Variants in KCNN2 observed in about 807,000 individuals in gnomAD.
KCNN2 encodes the protein potassium calcium-activated channel subfamily N member 2.
Under a neutral mutation model 55.5 loss-of-function variants are expected in KCNN2, and 24 were observed. The ratio of observed to expected loss-of-function variants is 0.43; its 90% confidence interval spans 0.31 to 0.61. The LOEUF (loss-of-function observed/expected upper bound fraction) is 0.61, where lower values mean the gene tolerates loss of function less well. KCNN2 is among the 20% of genes least tolerant of loss of function. KCNN2 has a pLI of 0.08. For missense variants in KCNN2, 754 were observed against 853.6 expected (o/e 0.88, Z 1.45); for synonymous variants, 431 against 336.1 (o/e 1.28, Z -3.09).
chr5:114,464,652 G>GCTAA (rs1015413938), intron 4 of KCNN2, among the ~76,000 whole-genome samples: 1 of 152,114 alleles, frequency 6.6e-6, no homozygotes, highest in African/African-American at 2.4e-5. Flanking sequence ...GGATAAGGCA[G>GCTAA]CTAACTTTGA....
At chr5:114,401,932 G>A (rs527987806) in intron 2 of KCNN2, among the ~76,000 whole-genome samples, 1 of 152,344 alleles carries the variant, frequency 6.6e-6, no homozygotes, top group Non-Finnish European at 1.5e-5. Context: ...TTTGAATGGT[G>A]TTAATCTTGA....
At chr5:114,138,049 C>T (rs1160937995) in intron 1 of KCNN2, among the ~76,000 whole-genome samples, 1 of 152,018 alleles carries the variant, frequency 6.6e-6, no homozygotes, top group Non-Finnish European at 1.5e-5. Flanking sequence ...ATAATCCTTC[C>T]AGTTTACTGT....
chr5:114,401,786 C>T (rs964348311), intron 2 of KCNN2, among the ~76,000 whole-genome samples: 1 of 152,146 alleles, frequency 6.6e-6, no homozygotes, highest in Non-Finnish European at 1.5e-5. Flanking sequence ...TTGGTGTGTT[C>T]TGGAATCTCC....
intron 5 of KCNN2, among the ~76,000 whole-genome samples, chr5:114,475,687 C>T (rs1761933213): frequency 1.3e-5 from 2 of 152,080 alleles, no homozygotes; most frequent in African/African-American, 4.8e-5. Flanking sequence ...TCAGATGCTT[C>T]CTGCTTGGCA....
At chr5:114,257,144 A>C (rs912620262) in intron 2 of KCNN2, among the ~76,000 whole-genome samples, 1 of 151,928 alleles carries the variant, frequency 6.6e-6, no homozygotes, top group East Asian at 1.9e-4. Flanking sequence ...ATTTTTATCA[A>C]CTTTGTCAAA....
intron 1 of KCNN2, 118 bp downstream of exon 1, chr5:114,363,379 C>T: frequency 7.8e-7 from 1 of 1,276,772 alleles, no homozygotes; most frequent in Non-Finnish European, 1.0e-6. Flanking sequence ...TCAAGGGAGC[C>T]CGCCAGGACA....
In KCNN2 at chr5:114,127,238, G is replaced by A. The variant is rs115634591; in HGVS notation, c.-271+70738G>A. On this transcript the variant is annotated intron_variant, in intron 1 of 10. Transcript: ENST00000512097. ...ACTCTGTGTAGGGGCTGGGGGCTCC[G>A]GCTCCACATTTTCCTTCTGCACTGC... Among the ~76,000 whole-genome samples the A allele has an allele frequency of 5.9e-3, 899 of 152,174 alleles. 10 individuals are homozygous for A. The highest frequency in any genetic ancestry group is 0.02 in the African/African-American group (843 of 41,496).
intron 2 of KCNN2, among the ~76,000 whole-genome samples, chr5:114,400,397 T>C (rs1003315312): frequency 1.3e-5 from 2 of 152,248 alleles, no homozygotes; most frequent in Non-Finnish European, 2.9e-5. Flanking sequence ...ACCAATCAAA[T>C]GCAGTAGAGC....
chr5:114,162,724 G>A (rs546600644), intron 1 of KCNN2, among the ~76,000 whole-genome samples: 150 of 152,184 alleles, frequency 9.9e-4, no homozygotes, highest in African/African-American at 1.4e-3. Flanking sequence ...CCCCAGCCTC[G>A]CTGCCACCTT....
intron 2 of KCNN2, among the ~76,000 whole-genome samples, chr5:114,376,366 C>T (rs1284354757): frequency 6.6e-6 from 1 of 152,164 alleles, no homozygotes; most frequent in Non-Finnish European, 1.5e-5. Flanking sequence ...AGCATTTACC[C>T]AGCAGCAAGA....
At chr5:114,469,601 G>A (rs1032424987) in intron 4 of KCNN2, among the ~76,000 whole-genome samples, 7 of 152,110 alleles carry the variant, frequency 4.6e-5, no homozygotes, top group African/African-American at 1.7e-4. Context: ...CATCGATTGT[G>A]GTGGTGACAA....
At chr5:114,260,719 A>T (rs775302024) in intron 2 of KCNN2, among the ~76,000 whole-genome samples, 4 of 152,222 alleles carry the variant, frequency 2.6e-5, no homozygotes, top group African/African-American at 7.2e-5. Flanking sequence ...CAATTTAGGG[A>T]TATCCCTTTG....
At chr5:114,281,699 G>A (rs1031428223) in intron 2 of KCNN2, among the ~76,000 whole-genome samples, 1 of 137,154 alleles carries the variant, frequency 7.3e-6, no homozygotes, top group African/African-American at 2.7e-5. Flanking sequence ...TGCAGCAAAG[G>A]TACTTCTAGC....
chr5:114,431,539 T>A (rs1759793077), intron 3 of KCNN2, among the ~76,000 whole-genome samples: 1 of 152,086 alleles, frequency 6.6e-6, no homozygotes, highest in African/African-American at 2.4e-5. Context: ...TAGCTTTTGA[T>A]TTTTCTGATT....
chr5:114,314,346 T>A (rs10061203), intron 2 of KCNN2, among the ~76,000 whole-genome samples: 27,488 of 152,038 alleles, frequency 0.18, 4,033 homozygotes, highest in East Asian at 0.81. Context: ...AAGTCCATAT[T>A]GTGTGTTAGG....
intron 1 of KCNN2, among the ~76,000 whole-genome samples, chr5:114,169,822 G>T (rs1268256754): frequency 2.0e-5 from 3 of 152,134 alleles, no homozygotes; most frequent in African/African-American, 4.8e-5. Context: ...TGTATTTAGA[G>T]AACTGAGTAT....
At chr5:114,288,391 T>C (rs1755800782) in intron 2 of KCNN2, among the ~76,000 whole-genome samples, 1 of 152,104 alleles carries the variant, frequency 6.6e-6, no homozygotes, top group Non-Finnish European at 1.5e-5. Flanking sequence ...GTGTTAAACT[T>C]TTTGGGATTC....
At chr5:114,476,996 T>TC (rs1761995899) in intron 5 of KCNN2, among the ~76,000 whole-genome samples, 2 of 65,426 alleles carry the variant, frequency 3.1e-5, no homozygotes, top group Admixed American at 1.7e-4. Context: ...CTTTAAACTT[T>TC]TAAAATAATT....
chr5:114,274,859 C>T (rs1755451103), intron 2 of KCNN2, among the ~76,000 whole-genome samples: 1 of 152,190 alleles, frequency 6.6e-6, no homozygotes, highest in South Asian at 2.1e-4. Context: ...CTGGCCAGAA[C>T]TTCCAACACT....
Sources: allele counts gnomAD v4.1 joint callset (sites outside exome capture counted in the v4.1 genomes callset), GRCh38; gene constraint gnomAD v4.1.1; transcripts MANE v1.5; gene names NCBI Gene and HGNC (gene_info 2026-07-23, HGNC 2026-07-21).